Variants in CELF5 observed in about 807,000 individuals in gnomAD.
The protein encoded by CELF5 is CUGBP Elav-like family member 5.
Under a neutral mutation model 54.9 loss-of-function variants are expected in CELF5, and 6 were observed. The observed-to-expected ratio is 0.11, with a 90% CI of 0.06 to 0.22. The LOEUF is 0.22. Among genes scored for constraint, CELF5 ranks in the 10% least tolerant of loss-of-function variants. The pLI is 1.00. For missense variants in CELF5, 401 were observed against 678.6 expected (o/e 0.59, Z 4.54); for synonymous variants, 271 against 290.9 (o/e 0.93, Z 0.70).
chr19:3,277,919 G>A, intron 4 of CELF5, 112 bp from the exon 5 acceptor site: 3 of 738,728 alleles, frequency 4.1e-6, no homozygotes, highest in Non-Finnish European at 4.7e-6. Flanking sequence ...CTCTCTGGCT[G>A]CATGTGTCTG....
intron 1 of CELF5, among the ~76,000 whole-genome samples, chr19:3,226,347 C>G (rs989294559): frequency 2.0e-5 from 3 of 151,848 alleles, no homozygotes; most frequent in African/African-American, 7.3e-5. Context: ...AGATGGGGCC[C>G]AGGCCTGTCA....
At chr19:3,269,892 C>G (rs2079934191) in intron 2 of CELF5, among the ~76,000 whole-genome samples, 1 of 152,172 alleles carries the variant, frequency 6.6e-6, no homozygotes, top group African/African-American at 2.4e-5. Context: ...GCCTCCCGAC[C>G]TCTCCCTTCT....
At chr19:3,264,321 GT>G (rs1160278153) in intron 2 of CELF5, among the ~76,000 whole-genome samples, 1 of 136,880 alleles carries the variant, frequency 7.3e-6, no homozygotes, top group African/African-American at 2.8e-5. Context: ...TTTTTTGCCT[GT>G]TTTCCTTTTA....
intron 2 of CELF5, among the ~76,000 whole-genome samples, chr19:3,266,450 GGAAA>G (rs1190837841): frequency 6.6e-6 from 1 of 152,000 alleles, no homozygotes; most frequent in Non-Finnish European, 1.5e-5. Flanking sequence ...AAGAAGAAGA[GGAAA>G]GAAAGAATCA....
intron 11 of CELF5, among the ~76,000 whole-genome samples, chr19:3,292,039 T>C (rs313785): frequency 0.73 from 111,047 of 152,038 alleles, 41,466 homozygotes; most frequent in African/African-American, 0.81. Flanking sequence ...CTCTGCCTCT[T>C]GGGTTCAAGT....
At chr19:3,289,714 A>AAAAAAAAAAAAAAAG (rs2080311717) in intron 10 of CELF5, among the ~76,000 whole-genome samples, 1 of 148,996 alleles carries the variant, frequency 6.7e-6, no homozygotes, top group Admixed American at 6.7e-5. Flanking sequence ...AAAAAAAAAA[A>AAAAAAAAAAAAAAAG]ATTAGCAACG....
At position 3,260,621 on chromosome 19, in the gene CELF5, A is replaced by ATTT. The variant is rs34244242; in HGVS notation, c.342+9571_342+9573dup. Among the ~76,000 whole-genome samples, 455 of 104,630 alleles carry ATTT rather than the reference A, an allele frequency of 4.3e-3. 8 individuals carry two copies. Among genetic ancestry groups the ATTT allele is most frequent in the African/African-American group, 0.015 (389 of 26,312 alleles). 68.6% of individuals were successfully genotyped at this position (104,630 alleles called of 152,430 possible). A position where few individuals can be genotyped will look rare whatever the true frequency, so the allele number is the denominator to read the frequency against. ...AGGTGTGTGCCACCACACCTGGCTA[A>ATTT]TTTTTTTTTTTTTTTTTTTGAGACA... is the stretch of plus-strand genomic sequence containing the variant. On this transcript the variant is annotated intron_variant, in intron 2 of 12. Transcript: ENST00000292672.
At chr19:3,285,113 C>T (rs2080217325) in intron 9 of CELF5, 149 bp downstream of exon 9, 1 of 639,328 alleles carries the variant, frequency 1.6e-6, no homozygotes, top group Non-Finnish European at 2.7e-6. Context: ...ACCCTTAGCC[C>T]CTTGTCCTGT....
At chr19:3,284,995 C>A in intron 9 of CELF5, 31 bp downstream of exon 9, 1 of 1,566,220 alleles carries the variant, frequency 6.4e-7, no homozygotes, top group Non-Finnish European at 8.7e-7. Flanking sequence ...CCGCGCTGGG[C>A]CCTGGCCCCG....
intron 1 of CELF5, among the ~76,000 whole-genome samples, chr19:3,250,016 C>T (rs912738908): frequency 1.3e-5 from 2 of 152,198 alleles, no homozygotes; most frequent in African/African-American, 4.8e-5. Flanking sequence ...CTCCCTCTTC[C>T]TGGTCTCACC....
chr19:3,281,103 T>C lies in CELF5; in HGVS notation c.604-96T>C. 7.0e-7 allele frequency: 1 copy of C among 1,433,072 alleles called. No homozygotes were observed. Among genetic ancestry groups the C allele is most frequent in the Non-Finnish European group, 9.5e-7 (1 of 1,047,582 alleles). The allele number at this position is 1,433,072 out of a possible 1,614,324, so 88.8% of individuals were successfully genotyped here. Reference sequence around the variant, plus strand: ...CTGACAGCCACTGGCATTACACCCCTCACCCAGGAGGCCTGAGCTAACATG... The same window carrying C: ...CTGACAGCCACTGGCATTACACCCCCCACCCAGGAGGCCTGAGCTAACATG... On this transcript the variant is annotated intron_variant, in intron 5 of 12. Coordinates refer to ENST00000292672, the MANE Select transcript of CELF5 (RefSeq NM_021938.4). The surrounding 1 kb of genome is among the most constrained non-coding windows in gnomAD (Gnocchi z 6.5).
chr19:3,248,892 TCC>T lies in CELF5; in HGVS notation c.260-2092_260-2091del, dbSNP rs1272782242. Reference sequence around the variant, plus strand: ...TTCCTTCCTTCCTTCCTTCCTTCCTTCCTTCCTTCCTTCCTTTCTTTCTTTCT... The same window carrying T: ...TTCCTTCCTTCCTTCCTTCCTTCCTTTTCCTTCCTTCCTTTCTTTCTTTCT... On this transcript the variant is annotated intron_variant, in intron 1 of 12. Transcript: ENST00000292672. Among the ~76,000 whole-genome samples, 28 of 132,990 alleles carry T rather than the reference TCC, an allele frequency of 2.1e-4. 1 individual carries two copies. The highest frequency in any genetic ancestry group is 1.6e-3 in the East Asian group (5 of 3,188). 87.2% of individuals were successfully genotyped at this position (132,990 alleles called of 152,430 possible).
At chr19:3,246,098 T>C (rs1568336015) in intron 1 of CELF5, among the ~76,000 whole-genome samples, 1 of 152,224 alleles carries the variant, frequency 6.6e-6, no homozygotes, top group Admixed American at 6.5e-5. Flanking sequence ...GTGCGGTGGC[T>C]TACGCCTATA....
chr19:3,277,271 C>T (rs1221614884), intron 4 of CELF5, among the ~76,000 whole-genome samples: 1 of 152,100 alleles, frequency 6.6e-6, no homozygotes, highest in Admixed American at 6.5e-5. Flanking sequence ...ATCAGGAGTT[C>T]AAGACCAGCC....
intron 1 of CELF5, among the ~76,000 whole-genome samples, chr19:3,249,234 C>G (rs1347923966): frequency 6.6e-6 from 1 of 152,100 alleles, no homozygotes; most frequent in Non-Finnish European, 1.5e-5. Flanking sequence ...CCACGATGGT[C>G]TCATTTCACA....
Position 3,281,180 on chromosome 19 carries a change from C to G in CELF5, c.604-19C>G. On this transcript the variant is annotated intron_variant, in intron 5 of 12. Coordinates refer to ENST00000292672, the MANE Select transcript of CELF5 (RefSeq NM_021938.4). This position sits in a 1 kb window ranked among gnomAD's most constrained non-coding sequence, Gnocchi z 6.5. ...ACCTCCCAGCCCGTTTCCCTCCCTGCTCGCCGCTGCCCCTGCAGGGAGCCT... is the reference window on the plus strand; with the variant it reads ...ACCTCCCAGCCCGTTTCCCTCCCTGGTCGCCGCTGCCCCTGCAGGGAGCCT... The G allele has an allele frequency of 6.3e-7, 1 of 1,597,688 alleles. No homozygotes were observed.
chr19:3,248,922 C>G (rs930290226), intron 1 of CELF5, among the ~76,000 whole-genome samples: 13 of 119,142 alleles, frequency 1.1e-4, no homozygotes, highest in Non-Finnish European at 2.0e-4. Context: ...TTCTTTCTTT[C>G]TTTCTTTTCT....
chr19:3,273,996 C>T, intron 3 of CELF5, 73 bp downstream of exon 3: 1 of 1,480,316 alleles, frequency 6.8e-7, no homozygotes, highest in East Asian at 2.3e-5. Context: ...TCTCTTCCTT[C>T]CTCTCTCCTG....
chr19:3,286,069 G>A (rs1302655840), intron 10 of CELF5, 44 bp downstream of exon 10: 14 of 1,470,942 alleles, frequency 9.5e-6, no homozygotes, highest in Non-Finnish European at 1.3e-5. Context: ...CCCGCCCTCT[G>A]CCCGCCCTGT....
Sources: gnomAD v4.1 joint callset for allele counts (sites outside exome capture counted in the v4.1 genomes callset) on GRCh38, gnomAD v4.1.1 for gene constraint, Gnocchi (gnomAD v3.1) non-coding constraint, MANE v1.5 for transcripts, NCBI Gene and HGNC (gene_info 2026-07-23, HGNC 2026-07-21) for gene names.